LMO1: variants seen among roughly 807,000 people sequenced by gnomAD.
LMO1 encodes the protein rhombotin-1.
LMO1 carries 10 observed loss-of-function variants against 18.0 expected under a neutral mutation model. The ratio of observed to expected loss-of-function variants is 0.55; its 90% confidence interval spans 0.34 to 0.94. The LOEUF (loss-of-function observed/expected upper bound fraction) is 0.94, where lower values mean the gene tolerates loss of function less well. Among genes scored for constraint, LMO1 ranks in the 40% least tolerant of loss-of-function variants. The probability of loss-of-function intolerance (pLI) is 0.02; values close to 1 mark genes in which losing one functional copy is unlikely to be tolerated. For missense variants in LMO1, 183 were observed against 205.7 expected (o/e 0.89, Z 0.68); for synonymous variants, 77 against 77.9 (o/e 0.99, Z 0.06).
chr11:8,249,287 G>A (rs1017251412), intron 1 of LMO1, among the ~76,000 whole-genome samples: 1 of 152,200 alleles, frequency 6.6e-6, no homozygotes, highest in Non-Finnish European at 1.5e-5. Context: ...AGACAGGAGT[G>A]TGGGGCCGTC....
At chr11:8,241,119 G>A (rs1846784235) in intron 1 of LMO1, among the ~76,000 whole-genome samples, 1 of 152,170 alleles carries the variant, frequency 6.6e-6, no homozygotes, top group South Asian at 2.1e-4. Flanking sequence ...TCCAAAGCAG[G>A]ATTCCTGATT....
chr11:8,255,211 T>G (rs1367075984), intron 1 of LMO1, among the ~76,000 whole-genome samples: 1 of 152,190 alleles, frequency 6.6e-6, no homozygotes, highest in African/African-American at 2.4e-5. Context: ...AGAAGCCTTG[T>G]GTAGGCTGGG....
At chr11:8,260,942 G>T (rs745725477) in intron 1 of LMO1, among the ~76,000 whole-genome samples, 1 of 152,200 alleles carries the variant, frequency 6.6e-6, no homozygotes, top group Non-Finnish European at 1.5e-5. Context: ...GAGGGCAGAA[G>T]CGTTCAAGAA....
At chr11:8,248,991 C>A (rs1277542514) in intron 1 of LMO1, among the ~76,000 whole-genome samples, 1 of 152,218 alleles carries the variant, frequency 6.6e-6, no homozygotes, top group Non-Finnish European at 1.5e-5. Flanking sequence ...GCCTCAGGGA[C>A]AAAGCTGGGC....
upstream of LMO1, chr11:8,268,774 C>A (rs1320051870): frequency 1.0e-5 from 2 of 197,100 alleles, no homozygotes; most frequent in African/African-American, 4.7e-5. Flanking sequence ...CGGCCGTACT[C>A]GCCTCAGCAG....
chr11:8,256,119 C>G (rs1433619057), intron 1 of LMO1, among the ~76,000 whole-genome samples: 3 of 152,206 alleles, frequency 2.0e-5, no homozygotes, highest in African/African-American at 7.2e-5. Context: ...GCCACCGCGC[C>G]CGGCCAATGC....
chr11:8,268,246 C>T (rs866642021), upstream of LMO1, among the ~76,000 whole-genome samples: 22 of 152,186 alleles, frequency 1.4e-4, no homozygotes. Flanking sequence ...CCGCCGACCC[C>T]GGCACCGGCG....
chr11:8,237,777 T>G (rs1161009463), intron 1 of LMO1, among the ~76,000 whole-genome samples: 1 of 152,218 alleles, frequency 6.6e-6, no homozygotes, highest in African/African-American at 2.4e-5. Flanking sequence ...ACTCTGGTGC[T>G]GCTCACCCCT....
At chr11:8,225,326 A>ACC (rs892971912) in intron 3 of LMO1, among the ~76,000 whole-genome samples, 2 of 139,254 alleles carry the variant, frequency 1.4e-5, no homozygotes, top group Non-Finnish European at 3.0e-5. Context: ...GATTGCTTGA[A>ACC]CCCAGGAGGC....
chr11:8,236,930 C>G (rs1952770525), intron 1 of LMO1, among the ~76,000 whole-genome samples: 1 of 152,188 alleles, frequency 6.6e-6, no homozygotes, highest in African/African-American at 2.4e-5. Flanking sequence ...TATGCACAAG[C>G]AGCCGCACGC....
chr11:8,258,994 TTG>T (rs1237249390), intron 1 of LMO1, among the ~76,000 whole-genome samples: 1 of 152,214 alleles, frequency 6.6e-6, no homozygotes, highest in Non-Finnish European at 1.5e-5. Context: ...TAATGCAGTA[TTG>T]ACTGCATTAC....
intron 3 of LMO1, among the ~76,000 whole-genome samples, chr11:8,225,010 AG>A (rs1284009451): frequency 2.6e-5 from 4 of 151,968 alleles, no homozygotes; most frequent in African/African-American, 9.7e-5. Flanking sequence ...TGGTGAGTGT[AG>A]GGTTAGGGGG....
chr11:8,230,331 T>C lies in LMO1; in HGVS notation c.199A>G (p.Thr67Ala), dbSNP rs1318465206. The change falls in exon 2 of 4, where the codon ACC becomes GCC. Residue 67 changes from threonine to alanine, a missense_variant. Coordinates refer to ENST00000335790, the MANE Select transcript of LMO1 (RefSeq NM_002315.3). ...CGGCACAGGATGAGGTTGGCCTTGGTGTAGAGGGTGGAGCCCACCTCGCCC... is the reference window on the plus strand; with the variant it reads ...CGGCACAGGATGAGGTTGGCCTTGGCGTAGAGGGTGGAGCCCACCTCGCCC... ...RLGEVGSTLY[T>A]KANLILCRRD... The C allele has an allele frequency of 1.2e-6, 2 of 1,613,904 alleles. No homozygotes were observed. Among genetic ancestry groups the C allele is most frequent in the South Asian group, 2.2e-5 (2 of 91,080 alleles).
chr11:8,225,404 CAAAAAAAAA>C (rs34847129), intron 3 of LMO1, among the ~76,000 whole-genome samples: 1 of 34,702 alleles, frequency 2.9e-5, no homozygotes, highest in African/African-American at 7.7e-5. Context: ...GACTCCATCT[CAAAAAAAAA>C]AAAAAAAAAA....
upstream of LMO1, among the ~76,000 whole-genome samples, chr11:8,266,684 G>A (rs1323763654): frequency 2.6e-5 from 4 of 152,216 alleles, no homozygotes; most frequent in Non-Finnish European, 4.4e-5. Context: ...GGAAAGTCCC[G>A]AGGAAGAGTT....
intron 1 of LMO1, among the ~76,000 whole-genome samples, chr11:8,231,907 G>T (rs1476733694): frequency 6.6e-6 from 1 of 152,124 alleles, no homozygotes; most frequent in Non-Finnish European, 1.5e-5. Context: ...AGAGGCCTTG[G>T]TCTCAGAATC....
chr11:8,257,200 G>A (rs1221062163), intron 1 of LMO1, among the ~76,000 whole-genome samples: 2 of 152,212 alleles, frequency 1.3e-5, no homozygotes, highest in Non-Finnish European at 2.9e-5. Flanking sequence ...CTCCACTGGT[G>A]TAGTCCAATC....
At chr11:8,226,891 G>T (rs1952553333) in intron 3 of LMO1, 84 bp downstream of exon 3, 7 of 1,498,980 alleles carry the variant, frequency 4.7e-6, no homozygotes, top group Non-Finnish European at 6.2e-6. Flanking sequence ...TTGCGTGCAC[G>T]CCTCCGCCGT....
intron 1 of LMO1, among the ~76,000 whole-genome samples, chr11:8,245,850 G>A (rs1487726913): frequency 6.6e-6 from 1 of 152,186 alleles, no homozygotes; most frequent in Admixed American, 6.5e-5. Flanking sequence ...AGTTCTGTAG[G>A]TTGTACAAGC....
Sources: gnomAD v4.1 joint callset for allele counts (sites outside exome capture counted in the v4.1 genomes callset) on GRCh38, gnomAD v4.1.1 for gene constraint, MANE v1.5 for transcripts, NCBI Gene and HGNC (gene_info 2026-07-23, HGNC 2026-07-21) for gene names.